The following TAFA1 variants were observed in gnomAD, a reference collection of about 807,000 sequenced individuals.
TAFA1 encodes the protein chemokine-like protein TAFA-1.
Under a neutral mutation model 18.5 loss-of-function variants are expected in TAFA1, and 4 were observed. That is an observed-to-expected ratio of 0.22 (90% CI 0.11 to 0.49). TAFA1 has a LOEUF of 0.49. TAFA1 is among the 20% of genes least tolerant of loss of function. The pLI is 0.98. For missense variants in TAFA1, 147 were observed against 169.0 expected, an observed-to-expected ratio of 0.87 and a Z score of 0.72; for synonymous variants, 56 against 55.2, an observed-to-expected ratio of 1.01 and a Z score of -0.06.
chr3:68,244,109 T>C (rs956489987), intron 2 of TAFA1, among the ~76,000 whole-genome samples: 14 of 152,236 alleles, frequency 9.2e-5, no homozygotes, highest in African/African-American at 3.4e-4. Context: ...CCATGTCTTT[T>C]ACCTATTTTA....
chr3:68,298,275 T>C (rs1010346744), intron 2 of TAFA1, among the ~76,000 whole-genome samples: 1 of 152,120 alleles, frequency 6.6e-6, no homozygotes, highest in Admixed American at 6.5e-5. Context: ...GGATCCAACA[T>C]ATTGAATTAG....
intron 2 of TAFA1, among the ~76,000 whole-genome samples, chr3:68,403,273 G>A (rs1313989767): frequency 6.6e-6 from 1 of 152,180 alleles, no homozygotes; most frequent in Non-Finnish European, 1.5e-5. Flanking sequence ...GTCATTAAGT[G>A]AGGCATGACT....
intron 2 of TAFA1, among the ~76,000 whole-genome samples, chr3:68,174,012 G>A (rs574711046): frequency 6.6e-6 from 1 of 152,220 alleles, no homozygotes; most frequent in African/African-American, 2.4e-5. Context: ...ACAGTGCAAT[G>A]ATAACTAAAA....
chr3:68,142,982 C>A (rs2065688750), intron 2 of TAFA1, among the ~76,000 whole-genome samples: 1 of 151,638 alleles, frequency 6.6e-6, no homozygotes, highest in African/African-American at 2.4e-5. Context: ...AGTCACAAAA[C>A]CTTCTTGGTT....
chr3:68,389,113 C>A (rs2070170049), intron 2 of TAFA1, among the ~76,000 whole-genome samples: 1 of 152,136 alleles, frequency 6.6e-6, no homozygotes, highest in Non-Finnish European at 1.5e-5. Flanking sequence ...TGAAGTTCAT[C>A]CATGTAGGTT....
At chr3:68,451,494 A>G (rs796558925) in intron 3 of TAFA1, among the ~76,000 whole-genome samples, 4 of 152,332 alleles carry the variant, frequency 2.6e-5, no homozygotes, top group African/African-American at 7.2e-5. Flanking sequence ...GGTGCTGAAG[A>G]CAGTCCTGCA....
chr3:68,482,964 A>G (rs1372669847), intron 3 of TAFA1, among the ~76,000 whole-genome samples: 4 of 152,208 alleles, frequency 2.6e-5, no homozygotes, highest in Non-Finnish European at 1.5e-5. Context: ...GAGCCACTAA[A>G]TTCAACTTCT....
chr3:68,355,428 G>A (rs1323134990), intron 2 of TAFA1, among the ~76,000 whole-genome samples: 1 of 151,878 alleles, frequency 6.6e-6, no homozygotes, highest in East Asian at 1.9e-4. Context: ...ATAAAATTGG[G>A]CTAATAAATA....
chr3:68,363,085 G>A (rs1575806075), intron 2 of TAFA1, among the ~76,000 whole-genome samples: 1 of 150,048 alleles, frequency 6.7e-6, no homozygotes, highest in African/African-American at 2.5e-5. Flanking sequence ...ACCTACTGGG[G>A]AATTCCTGAT....
At chr3:68,143,398 A>G (rs2065694660) in intron 2 of TAFA1, among the ~76,000 whole-genome samples, 2 of 152,170 alleles carry the variant, frequency 1.3e-5, no homozygotes, top group African/African-American at 2.4e-5. Context: ...AGGCCCTTGT[A>G]TTCTTAAACA....
chr3:68,436,214 C>A (rs1031682046), intron 3 of TAFA1, among the ~76,000 whole-genome samples: 31 of 152,116 alleles, frequency 2.0e-4, no homozygotes, highest in African/African-American at 7.0e-4. Context: ...CCATCACAAC[C>A]AGATAAAGTG....
At chr3:68,370,321 AATATATATATATAT>A (rs1329816013) in intron 2 of TAFA1, among the ~76,000 whole-genome samples, 25 of 18,084 alleles carry the variant, frequency 1.4e-3, no homozygotes, top group Admixed American at 3.7e-3. Flanking sequence ...AAAAAAAAAA[AATATATATATATAT>A]ATATATATAT....
intron 3 of TAFA1, among the ~76,000 whole-genome samples, chr3:68,494,285 A>T (rs905112444): frequency 6.6e-6 from 1 of 152,048 alleles, no homozygotes; most frequent in African/African-American, 2.4e-5. Context: ...TAAGTTTTAG[A>T]CCTGTCACTT....
chr3:68,491,601 T>C (rs1455220132), intron 3 of TAFA1, among the ~76,000 whole-genome samples: 1 of 151,604 alleles, frequency 6.6e-6, no homozygotes, highest in Non-Finnish European at 1.5e-5. Context: ...AATCACAAGT[T>C]AATGGGTGCA....
chr3:68,343,971 G>C (rs1238023280), intron 2 of TAFA1, among the ~76,000 whole-genome samples: 1 of 152,100 alleles, frequency 6.6e-6, no homozygotes, highest in Non-Finnish European at 1.5e-5. Flanking sequence ...AGCCTCCCGA[G>C]TAGCTGGGAT....
In TAFA1 at chr3:68,250,014, CT is replaced by C. The variant is rs747204055; in HGVS notation, c.119-167265del. ...TTATTGTTCCTTCAGCTTTTTCTATCTCCCAAACGTATATTGAGACTAATTT... is the reference window on the plus strand; with the variant it reads ...TTATTGTTCCTTCAGCTTTTTCTATCCCCAAACGTATATTGAGACTAATTT... On this transcript the variant is annotated intron_variant, in intron 2 of 4. Transcript: ENST00000478136. Among the ~76,000 whole-genome samples the C allele has an allele frequency of 1.1e-4, 17 of 152,292 alleles. 2 individuals are homozygous for C. Among genetic ancestry groups the C allele is most frequent in the Admixed American group, 3.9e-4 (6 of 15,302 alleles).
chr3:68,296,107 T>C (rs770714587), intron 2 of TAFA1, among the ~76,000 whole-genome samples: 31 of 152,202 alleles, frequency 2.0e-4, no homozygotes, highest in Admixed American at 6.5e-5. Flanking sequence ...CAATAAATCA[T>C]AGCTACTTCT....
chr3:68,348,285 G>C (rs1282713375), intron 2 of TAFA1, among the ~76,000 whole-genome samples: 1 of 152,078 alleles, frequency 6.6e-6, no homozygotes, highest in Admixed American at 6.6e-5. Context: ...TTTGCACACA[G>C]TTAGTCTATA....
intron 2 of TAFA1, among the ~76,000 whole-genome samples, chr3:68,167,303 C>T (rs896903794): frequency 1.3e-5 from 2 of 152,184 alleles, no homozygotes; most frequent in Non-Finnish European, 2.9e-5. Context: ...TGCGGCCGGG[C>T]GCCGTGGCTC....
Sources: gnomAD v4.1 joint callset for allele counts (sites outside exome capture counted in the v4.1 genomes callset) on GRCh38, gnomAD v4.1.1 for gene constraint, MANE v1.5 for transcripts, NCBI Gene and HGNC (gene_info 2026-07-23, HGNC 2026-07-21) for gene names.